Variants in SYNE1 observed in about 807,000 individuals in gnomAD.
SYNE1 encodes the protein nesprin-1.
Under a neutral mutation model 1,111.0 loss-of-function variants are expected in SYNE1, and 616 were observed. The ratio of observed to expected loss-of-function variants is 0.55; its 90% confidence interval spans 0.52 to 0.59. The LOEUF (loss-of-function observed/expected upper bound fraction) is 0.59. SYNE1 is among the 20% of genes least tolerant of loss of function. The pLI, the probability that SYNE1 is intolerant of heterozygous loss-of-function variation, is 0.00. For synonymous variants in SYNE1, 3,855 were observed against 3,825.8 expected (o/e 1.01, Z -0.28); for missense variants, 10,006 against 10,417.0 (o/e 0.96, Z 1.72).
chr6:152,527,088 A>G (rs1356142073), intron 4 of SYNE1, among the ~76,000 whole-genome samples: 2 of 152,212 alleles, frequency 1.3e-5, no homozygotes, highest in African/African-American at 4.8e-5. Context: ...CAAACTTTAT[A>G]GCTTTCTGAT....
At chr6:152,129,582 T>C (rs2054770850) in intron 145 of SYNE1, 1 of 150,436 alleles carries the variant, frequency 6.6e-6, no homozygotes, top group Admixed American at 6.6e-5. Context: ...CATAAAATTG[T>C]CTTCAAACCA....
At chr6:152,145,762 C>A in intron 137 of SYNE1, 1 of 534,964 alleles carries the variant, frequency 1.9e-6, no homozygotes. Context: ...TGGTGGCTCA[C>A]GCCTGTAATC....
intron 129 of SYNE1, among the ~76,000 whole-genome samples, chr6:152,176,942 A>C (rs570397079): frequency 4.2e-4 from 64 of 152,284 alleles, no homozygotes; most frequent in African/African-American, 1.5e-3. Context: ...ATTCTCAGAC[A>C]AATAGTTGCT....
chr6:152,155,138 C>T, intron 132 of SYNE1, 96 bp from the exon 133 acceptor site: 1 of 1,480,964 alleles, frequency 6.8e-7, no homozygotes, highest in Non-Finnish European at 9.4e-7. Flanking sequence ...AGGGTGCCCA[C>T]AGAGGCAACT....
chr6:152,411,599 A>G (rs1317173160), intron 42 of SYNE1, among the ~76,000 whole-genome samples: 1 of 152,200 alleles, frequency 6.6e-6, no homozygotes, highest in Non-Finnish European at 1.5e-5. Flanking sequence ...ACTTAACAAA[A>G]TATGTTCAAC....
At chr6:152,408,486 T>G (rs1362630653) in intron 44 of SYNE1, among the ~76,000 whole-genome samples, 2 of 152,234 alleles carry the variant, frequency 1.3e-5, no homozygotes, top group Non-Finnish European at 2.9e-5. Flanking sequence ...TTTCATAGTT[T>G]GGGAAAGAAA....
At chr6:152,462,942 A>G in intron 19 of SYNE1, 52 bp from the exon 20 acceptor site, 1 of 1,599,884 alleles carries the variant, frequency 6.3e-7, no homozygotes, top group Non-Finnish European at 8.6e-7. Flanking sequence ...AGCTGCGACC[A>G]CTGGAACCAC....
chr6:152,504,261 G>C (rs2154330052), intron 9 of SYNE1, among the ~76,000 whole-genome samples: 1 of 152,236 alleles, frequency 6.6e-6, no homozygotes, highest in South Asian at 2.1e-4. Flanking sequence ...GGCAGAGTGG[G>C]ACTCAAAAAC....
At chr6:152,160,109 C>T (rs569382350) in intron 131 of SYNE1, among the ~76,000 whole-genome samples, 32 of 152,188 alleles carry the variant, frequency 2.1e-4, no homozygotes, top group African/African-American at 7.2e-4. Flanking sequence ...CTGGTTCAAG[C>T]GATTCTCCTG....
intron 69 of SYNE1, among the ~76,000 whole-genome samples, chr6:152,353,056 T>C (rs1380642594): frequency 1.3e-5 from 2 of 152,212 alleles, no homozygotes; most frequent in African/African-American, 2.4e-5. Context: ...CATGTGTAAG[T>C]CATTCTGATA....
At chr6:152,526,696 G>C (rs1489679871) in intron 4 of SYNE1, among the ~76,000 whole-genome samples, 1 of 152,130 alleles carries the variant, frequency 6.6e-6, no homozygotes, top group Non-Finnish European at 1.5e-5. Flanking sequence ...CAGAGCTAAG[G>C]TTGCAGGTTC....
chr6:152,300,675 G>T lies in SYNE1; in HGVS notation c.17648C>A (p.Ser5883Ter), dbSNP rs1300885934. Residue 5883 changes from serine (S) to a stop codon, truncating the protein, a stop_gained, in exon 93 of 146, where the codon TCA (serine) becomes TAA (stop). Transcript: ENST00000367255. LOFTEE classifies it high-confidence loss of function. ...AGAAGCATCTGTATTAGCCACAGGTGAAGGGGAGCGACAGGCAGGTGGAGA... is the reference window on the plus strand; with the variant it reads ...AGAAGCATCTGTATTAGCCACAGGTTAAGGGGAGCGACAGGCAGGTGGAGA... ...ISSPPACRSP[S>*]PVANTDASVN... 1.2e-6 allele frequency: 2 copies of T among 1,614,216 alleles called. No homozygotes were observed. The highest frequency in any genetic ancestry group is 1.7e-5 in the Admixed American group (1 of 60,022).
Position 152,330,872 on chromosome 6 carries a change from AT to A in SYNE1, c.13812del (p.Lys4604AsnfsTer30). Reference protein sequence around the residue: ...ESSELHTQLAKYQNILEQSPE... With the variant: ...ESSELHTQLAXYQNILEQSPE... Reference sequence around the variant, plus strand: ...GGAGATTGTTCAAGAATGTTTTGGTATTTAGCCAGTTGTGTATGAAGCTCAG... The same window carrying A: ...GGAGATTGTTCAAGAATGTTTTGGTATTAGCCAGTTGTGTATGAAGCTCAG... On this transcript the variant is annotated frameshift_variant, in exon 78 of 146. Coordinates refer to ENST00000367255, the MANE Select transcript of SYNE1 (RefSeq NM_182961.4). LOFTEE classifies it high-confidence loss of function. 6.2e-7 allele frequency: 1 copy of A among 1,614,150 alleles called. No homozygotes were observed. The highest frequency in any genetic ancestry group is 8.5e-7 in the Non-Finnish European group (1 of 1,180,016).
At chr6:152,225,930 G>A (rs1267949472) in intron 115 of SYNE1, 54 bp from the exon 116 acceptor site, 2 of 1,572,196 alleles carry the variant, frequency 1.3e-6, no homozygotes, top group African/African-American at 2.7e-5. Flanking sequence ...GAACTCTGGG[G>A]TGCACTGAAA....
chr6:152,550,042 T>G (rs2099332243), intron 3 of SYNE1, among the ~76,000 whole-genome samples: 1 of 152,198 alleles, frequency 6.6e-6, no homozygotes. Flanking sequence ...GGTGGTCTTG[T>G]GCATTATAGG....
At chr6:152,573,267 G>T (rs1005499457) in intron 3 of SYNE1, among the ~76,000 whole-genome samples, 1 of 151,274 alleles carries the variant, frequency 6.6e-6, no homozygotes, top group Non-Finnish European at 1.5e-5. Flanking sequence ...GTGCCATGTT[G>T]GTGTGCTGCA....
At chr6:152,376,269 C>A (rs1323845555) in intron 58 of SYNE1, 112 bp downstream of exon 58, 5 of 1,181,254 alleles carry the variant, frequency 4.2e-6, no homozygotes, top group Non-Finnish European at 6.2e-6. Context: ...TGGTTCCTAA[C>A]AGGCCAGGGA....
chr6:152,392,035 T>G (rs1162473952), intron 51 of SYNE1, among the ~76,000 whole-genome samples: 1 of 152,138 alleles, frequency 6.6e-6, no homozygotes, highest in Non-Finnish European at 1.5e-5. Context: ...CATTCCTAGT[T>G]GCCTGTTCAA....
At chr6:152,253,673 G>C (rs551401015) in intron 104 of SYNE1, among the ~76,000 whole-genome samples, 13 of 152,152 alleles carry the variant, frequency 8.5e-5, no homozygotes, top group South Asian at 8.3e-4. Context: ...AAAATATTTT[G>C]TGAATAAAAA....
Sources: gnomAD v4.1 joint callset for allele counts (sites outside exome capture counted in the v4.1 genomes callset) on GRCh38, gnomAD v4.1.1 for gene constraint, MANE v1.5 for transcripts, NCBI Gene and HGNC (gene_info 2026-07-23, HGNC 2026-07-21) for gene names.